The following VAV3 variants were observed in gnomAD, a reference collection of about 807,000 sequenced individuals.
VAV3 encodes vav guanine nucleotide exchange factor 3.
VAV3 carries 94 observed loss-of-function variants against 131.2 expected under a neutral mutation model. The observed-to-expected ratio is 0.72, with a 90% CI of 0.61 to 0.85. VAV3 has a LOEUF of 0.85. Ranked by LOEUF, VAV3 falls within the 40% of genes least tolerant of loss-of-function variation. The pLI is 0.00. For missense variants in VAV3, 939 were observed against 1,002.7 expected (o/e 0.94, Z 0.86); for synonymous variants, 349 against 342.0 (o/e 1.02, Z -0.22).
At chr1:107,657,102 G>A (rs1265082213) in intron 19 of VAV3, among the ~76,000 whole-genome samples, 2 of 151,860 alleles carry the variant, frequency 1.3e-5, no homozygotes, top group African/African-American at 4.8e-5. Flanking sequence ...TTACGGGCAT[G>A]CACCACTACA....
chr1:107,953,757 G>A (rs759148736), intron 1 of VAV3, among the ~76,000 whole-genome samples: 1 of 152,084 alleles, frequency 6.6e-6, no homozygotes, highest in African/African-American at 2.4e-5. Flanking sequence ...AGGGAAGCAC[G>A]ACGCTTGTTT....
chr1:107,748,871 A>T (rs552641287), intron 15 of VAV3, 97 bp downstream of exon 15: 55 of 929,042 alleles, frequency 5.9e-5, no homozygotes, highest in Admixed American at 8.6e-5. Flanking sequence ...CACATTATAC[A>T]TGCTACAAGC....
intron 17 of VAV3, among the ~76,000 whole-genome samples, chr1:107,693,097 G>T (rs7530592): frequency 0.53 from 80,896 of 151,902 alleles, 21,710 homozygotes; most frequent in Middle Eastern, 0.7. Context: ...GCTTTGCAGT[G>T]ACTCGTTCAG....
intron 15 of VAV3, among the ~76,000 whole-genome samples, chr1:107,745,952 C>A (rs1292184626): frequency 6.6e-6 from 1 of 152,158 alleles, no homozygotes; most frequent in Admixed American, 6.5e-5. Flanking sequence ...TGGGAAGAAG[C>A]CATCCTGTGG....
chr1:107,575,000 TGCGCGCGCGCGCGCGCACACGCGCGC>T (rs748285835), intron 25 of VAV3, among the ~76,000 whole-genome samples: 1,081 of 103,902 alleles, frequency 0.01, 13 homozygotes, highest in East Asian at 0.034. Context: ...TGTGCGTGCG[TGCGCGCGCGCGCGCGCACACGCGCGC>T]GTGTTTAATA....
In VAV3 at chr1:107,688,592, T is replaced by C. The variant is rs925243505; in HGVS notation, c.1706-186A>G. The C allele has an allele frequency of 8.9e-6, 13 of 1,453,942 alleles. No homozygotes were observed. In the Admixed American group the frequency reaches 1.4e-4, roughly 16 times the overall value. 90.1% of individuals were successfully genotyped at this position (1,453,942 alleles called of 1,614,324 possible). A position where few individuals can be genotyped will look rare whatever the true frequency, so the allele number is the denominator to read the frequency against. The stretch of plus-strand genomic sequence containing the variant: ...TTGCAACCTTGGTTCTCTTACCCTA[T>C]TGGCTTGTCAGGAAAGTGACTCACA... On this transcript the variant is annotated intron_variant, in intron 17 of 26. Transcript: ENST00000370056.
chr1:107,835,498 C>T (rs1445572287), intron 2 of VAV3, among the ~76,000 whole-genome samples: 1 of 152,162 alleles, frequency 6.6e-6, no homozygotes, highest in Non-Finnish European at 1.5e-5. Context: ...CTGGGCATGC[C>T]TCCCTCTGCG....
intron 19 of VAV3, among the ~76,000 whole-genome samples, chr1:107,670,527 G>C (rs901092594): frequency 5.3e-5 from 8 of 151,972 alleles, no homozygotes; most frequent in African/African-American, 1.9e-4. Flanking sequence ...ACTGGCAAGA[G>C]ACATGAAGTA....
chr1:107,904,987 T>G (rs1260019360), intron 1 of VAV3, among the ~76,000 whole-genome samples: 1 of 152,182 alleles, frequency 6.6e-6, no homozygotes, highest in Non-Finnish European at 1.5e-5. Flanking sequence ...ATCTGAGGGA[T>G]AAGCATTCCA....
intron 2 of VAV3, among the ~76,000 whole-genome samples, chr1:107,817,837 A>G (rs1008864915): frequency 1.3e-5 from 2 of 152,168 alleles, no homozygotes; most frequent in Non-Finnish European, 2.9e-5. Flanking sequence ...CAAGAAACTC[A>G]TAGTAGACAA....
In VAV3 at chr1:107,704,956, T is replaced by C. The variant is rs1045045348; in HGVS notation, c.1604+4A>G. 2 of 1,612,900 alleles carry C rather than the reference T, an allele frequency of 1.2e-6. No homozygotes were observed. Among genetic ancestry groups the C allele is most frequent in the Non-Finnish European group, 1.7e-6 (2 of 1,179,084 alleles). On this transcript the variant is annotated splice_donor_region_variant and intron_variant, in intron 16 of 26. Coordinates refer to ENST00000370056, the MANE Select transcript of VAV3 (RefSeq NM_006113.5). Reference sequence around the variant, plus strand: ...AACTGAAAACCAGGACTGAGCAGGCTTACCTCAGGAGCATCTGGCAGACTT... The same window carrying C: ...AACTGAAAACCAGGACTGAGCAGGCCTACCTCAGGAGCATCTGGCAGACTT...
rs145027610 is a variant in VAV3, at chr1:107,815,873, G to A, written c.322-36381C>T. Among the ~76,000 whole-genome samples, 214 of 152,236 alleles carry A rather than the reference G, an allele frequency of 1.4e-3. 1 individual carries two copies. Among genetic ancestry groups the A allele is most frequent in the Admixed American group, 3.0e-3 (46 of 15,300 alleles). On this transcript the variant is annotated intron_variant, in intron 2 of 26. Coordinates refer to ENST00000370056, the MANE Select transcript of VAV3 (RefSeq NM_006113.5). ...TGTGGAAGACAAGTTTTCCAGACCC[G>A]TGGCGGGGTGTGGAGGGGGCATGGG... is the stretch of plus-strand genomic sequence containing the variant.
At chr1:107,939,625 A>G (rs892218941) in intron 1 of VAV3, among the ~76,000 whole-genome samples, 4 of 152,126 alleles carry the variant, frequency 2.6e-5, no homozygotes, top group Non-Finnish European at 5.9e-5. Context: ...CTTTTAACTT[A>G]TGGGTTTCTC....
intron 2 of VAV3, among the ~76,000 whole-genome samples, chr1:107,787,761 T>C (rs1666090687): frequency 6.6e-6 from 1 of 152,216 alleles, no homozygotes; most frequent in South Asian, 2.1e-4. Context: ...TTTTTCAGAT[T>C]CTGAGAGAAA....
At chr1:107,713,662 T>C (rs2101888182) in intron 15 of VAV3, among the ~76,000 whole-genome samples, 1 of 152,284 alleles carries the variant, frequency 6.6e-6, no homozygotes, top group Middle Eastern at 3.4e-3. Flanking sequence ...AAAGATACAC[T>C]GAAGGGTTTT....
rs35975364 is a variant in VAV3, at chr1:107,948,321, TA to T, written c.204+16344del. On this transcript the variant is annotated intron_variant, in intron 1 of 26. Transcript: ENST00000370056. ...AATTCTGAAGTACTTCCTGATATTG[TA>T]AAAAAAAAAATTGTAAGAGAATAAA... is the stretch of plus-strand genomic sequence containing the variant. Among the ~76,000 whole-genome samples, 123 of 150,102 alleles carry T rather than the reference TA, an allele frequency of 8.2e-4. 1 individual carries two copies. Among genetic ancestry groups the T allele is most frequent in the Admixed American group, 3.4e-3 (51 of 15,100 alleles).
At chr1:107,911,380 G>C (rs1672360530) in intron 1 of VAV3, among the ~76,000 whole-genome samples, 2 of 152,122 alleles carry the variant, frequency 1.3e-5, no homozygotes, top group African/African-American at 4.8e-5. Context: ...CAACACAGGA[G>C]AAAAATTCAA....
chr1:107,734,643 T>C (rs1341510794), intron 15 of VAV3, among the ~76,000 whole-genome samples: 2 of 152,144 alleles, frequency 1.3e-5, no homozygotes, highest in Non-Finnish European at 2.9e-5. Context: ...AGGGATCAAT[T>C]CAACAAGAAG....
intron 10 of VAV3, among the ~76,000 whole-genome samples, chr1:107,758,010 C>T (rs1664210078): frequency 6.6e-6 from 1 of 152,172 alleles, no homozygotes; most frequent in African/African-American, 2.4e-5. Flanking sequence ...ATGGTTCTAC[C>T]TCATTATTTC....
Sources: allele counts gnomAD v4.1 joint callset (sites outside exome capture counted in the v4.1 genomes callset), GRCh38; gene constraint gnomAD v4.1.1; transcripts MANE v1.5; gene names NCBI Gene and HGNC (gene_info 2026-07-23, HGNC 2026-07-21).